IGLON5: variants seen among roughly 807,000 people sequenced by gnomAD.
IGLON5 encodes IgLON family member 5, also known as Ig-like domain-containing protein ENSP00000270642.
Under a neutral mutation model 38.2 loss-of-function variants are expected in IGLON5, and 16 were observed. The ratio of observed to expected loss-of-function variants is 0.42; its 90% CI spans 0.28 to 0.64. The LOEUF is 0.64. IGLON5 is among the 30% of genes least tolerant of loss of function. IGLON5 has a pLI of 0.23. For synonymous variants in IGLON5, 207 were observed against 216.4 expected, an observed-to-expected ratio of 0.96 and a Z score of 0.38; for missense variants, 366 against 483.4, an observed-to-expected ratio of 0.76 and a Z score of 2.28.
Position 51,325,537 on chromosome 19 carries a change from CCTAG to C in IGLON5, c.511+77_511+80del. On this transcript the variant is annotated intron_variant, in intron 4 of 7. Transcript: ENST00000270642. The surrounding 1 kb of genome is among the most constrained non-coding windows in gnomAD (Gnocchi z 5.5). ...TCTGGGCCCCTCCATTCCCCATATC[CCTAG>C]CTAGTTTCCCCAGCCCCCTTCTCCC... 6.9e-7 allele frequency: 1 copy of C among 1,459,556 alleles called. No individual in the cohort carries two copies. Among genetic ancestry groups the C allele is most frequent in the Admixed American group, 2.5e-5 (1 of 40,140 alleles). The allele number at this position is 1,459,556 out of a possible 1,614,324, so 90.4% of individuals were successfully genotyped here.
At chr19:51,314,672 A>T (rs1428151013) in intron 1 of IGLON5, among the ~76,000 whole-genome samples, 1 of 152,250 alleles carries the variant, frequency 6.6e-6, no homozygotes. Context: ...TGCCAGAAAG[A>T]CACCCCCACC....
rs1985157388 is a variant in IGLON5, at chr19:51,324,155, C to G, written c.391+261C>G. On this transcript the variant is annotated intron_variant, in intron 3 of 7. Transcript: ENST00000270642. The surrounding 1 kb of genome is among the most constrained non-coding windows in gnomAD (Gnocchi z 4.2). ...GGAAGACCACGTTCATTTGTTCAGCCCCATTCCTGGAGGGCCTACTCTGTG... is the reference window on the plus strand; with the variant it reads ...GGAAGACCACGTTCATTTGTTCAGCGCCATTCCTGGAGGGCCTACTCTGTG... 6.6e-6 allele frequency among the ~76,000 whole-genome samples: 1 copy of G among 152,082 alleles called. No homozygotes were observed. Among genetic ancestry groups the G allele is most frequent in the African/African-American group, 2.4e-5 (1 of 41,404 alleles).
chr19:51,322,520 C>T (rs916880594), intron 2 of IGLON5, among the ~76,000 whole-genome samples: 1 of 150,334 alleles, frequency 6.7e-6, no homozygotes, highest in Non-Finnish European at 1.5e-5. Flanking sequence ...GTTGCTGTTT[C>T]CCCAGGTCTC....
chr19:51,326,982 G>A (rs1487225069), intron 5 of IGLON5, 84 bp downstream of exon 5: 1 of 1,579,592 alleles, frequency 6.3e-7, no homozygotes, highest in Admixed American at 1.9e-5. Context: ...GAGGAAGCGG[G>A]GGCGAGACTT....
intron 1 of IGLON5, 44 bp downstream of exon 1, chr19:51,311,970 G>T: frequency 2.7e-6 from 3 of 1,112,072 alleles, no homozygotes; most frequent in Non-Finnish European, 3.5e-6. Context: ...GGACGCCAGG[G>T]TCTTGGGTGG....
Position 51,311,811 on chromosome 19 carries a change from C to T in IGLON5, c.-37C>T, listed in dbSNP as rs1984768897. 2 of 489,816 alleles carry T rather than the reference C, an allele frequency of 4.1e-6. No homozygotes were observed. Among genetic ancestry groups the T allele is most frequent in the Middle Eastern group, 1.3e-3 (2 of 1,552 alleles). The allele number at this position is 489,816 out of a possible 1,614,324, so 30.3% of individuals were successfully genotyped here. On this transcript the variant is annotated 5_prime_UTR_variant, in exon 1 of 8. Transcript: ENST00000270642. ...GGCCTCGCGCGCCCCGGACCGGCCC[C>T]CCCTTTCCCCTCCCCCTCCGCGCCG...
At position 51,325,422 on chromosome 19, in the gene IGLON5, C is replaced by T. The variant is rs757321095; in HGVS notation, c.468C>T (p.Ala156=). Residue 156 remains alanine, a synonymous_variant, in exon 4 of 8, where the codon GCC becomes GCT. Coordinates refer to ENST00000270642, the MANE Select transcript of IGLON5 (RefSeq NM_001101372.3). The surrounding 1 kb of genome is among the most constrained non-coding windows in gnomAD (Gnocchi z 5.5). ...EGGNVNLLCL[A]VGRPEPTVTW... is the part of the protein sequence containing the mutation. ...GCAATGTGAACCTGCTTTGCCTGGC[C>T]GTGGGGCGGCCAGAGCCCACGGTCA... 18 of 1,613,602 alleles carry T rather than the reference C, an allele frequency of 1.1e-5. No individual in the cohort carries two copies. The highest frequency in any genetic ancestry group is 7.7e-5 in the South Asian group (7 of 91,074).
rs1337436251 is a variant in IGLON5 at position 51,326,733 on chromosome 19, C to G, written c.512-31C>G. The G allele has an allele frequency of 2.6e-6, 4 of 1,518,902 alleles. No homozygotes were observed. The Admixed American group carries it at 8.5e-5, about 32-fold the overall frequency. The allele number at this position is 1,518,902 out of a possible 1,614,324, so 94.1% of individuals were successfully genotyped here. A position where few individuals can be genotyped will look rare whatever the true frequency, so the allele number is the denominator to read the frequency against. On this transcript the variant is annotated intron_variant, in intron 4 of 7. Transcript: ENST00000270642. ...TCCCGTGTTAAGTGTTTGTGTCCGGCCCCGCCCCCTCCTCCTCCTTCCCCC... is the reference window on the plus strand; with the variant it reads ...TCCCGTGTTAAGTGTTTGTGTCCGGGCCCGCCCCCTCCTCCTCCTTCCCCC...
intron 2 of IGLON5, 110 bp downstream of exon 2, chr19:51,322,252 C>A: frequency 2.3e-6 from 2 of 875,216 alleles, no homozygotes; most frequent in Admixed American, 1.9e-5. Context: ...GATGGGAAGA[C>A]TTGGGCTCCA....
At chr19:51,312,974 G>A (rs866019881) in intron 1 of IGLON5, among the ~76,000 whole-genome samples, 9 of 152,136 alleles carry the variant, frequency 5.9e-5, no homozygotes, top group African/African-American at 1.2e-4. Flanking sequence ...CAGACTTTCT[G>A]GAGGATTCCC....
chr19:51,326,672 G>A (rs1421714701), intron 4 of IGLON5, 92 bp from the exon 5 acceptor site: 4 of 458,172 alleles, frequency 8.7e-6, no homozygotes, highest in Admixed American at 1.2e-4. Context: ...TGCCGTGCCC[G>A]CCCCGCTGAT....
At chr19:51,323,970 A>T in intron 3 of IGLON5, 76 bp downstream of exon 3, 1 of 1,001,664 alleles carries the variant, frequency 1.0e-6, no homozygotes. Flanking sequence ...GACAGATACC[A>T]CGTGTTCCCC....
intron 1 of IGLON5, among the ~76,000 whole-genome samples, chr19:51,313,623 T>C (rs1163938217): frequency 2.8e-4 from 39 of 137,324 alleles, no homozygotes; most frequent in African/African-American, 1.0e-3. Context: ...CTTTCCTTCT[T>C]TCTCTTTTTC....
chr19:51,322,188 G>C, intron 2 of IGLON5, 46 bp downstream of exon 2: 3 of 1,468,296 alleles, frequency 2.0e-6, no homozygotes, highest in South Asian at 1.1e-5. Context: ...GGAGCCATGC[G>C]GTCCTGCCCC....
chr19:51,323,514 C>T (rs1298825976), intron 2 of IGLON5, 148 bp from the exon 3 acceptor site: 1 of 654,904 alleles, frequency 1.5e-6, no homozygotes, highest in African/African-American at 1.8e-5. Context: ...TTACCCCCAG[C>T]TGTATGGTGG....
intron 1 of IGLON5, among the ~76,000 whole-genome samples, chr19:51,321,035 A>ATG (rs1344685406): frequency 6.6e-6 from 1 of 151,952 alleles, no homozygotes; most frequent in Non-Finnish European, 1.5e-5. Context: ...GTGTGTGTGT[A>ATG]TGTGTGTATA....
chr19:51,327,825 C>T lies in IGLON5; in HGVS notation c.861C>T (p.Gly287=). The T allele has an allele frequency of 3.9e-6, 6 of 1,548,860 alleles. No homozygotes were observed. The highest frequency in any genetic ancestry group is 5.2e-6 in the Non-Finnish European group (6 of 1,147,182). Residue 287 remains glycine, a synonymous_variant, in exon 7 of 8, where the codon GGC becomes GGT. Transcript: ENST00000270642. The surrounding 1 kb of genome is among the most constrained non-coding windows in gnomAD (Gnocchi z 7.1). ...CCAACGTGAGCGCCCGGCATTACGG[C>T]AACTATACGTGTCGCGCCGCCAACC... ...LFANVSARHY[G]NYTCRAANRL...
At chr19:51,322,916 GCCCCCTC>G (rs1985109291) in intron 2 of IGLON5, among the ~76,000 whole-genome samples, 1 of 133,806 alleles carries the variant, frequency 7.5e-6, no homozygotes, top group African/African-American at 2.9e-5. Context: ...CTGGGTCTCT[GCCCCCTC>G]TGCCTCTGGG....
At chr19:51,318,960 C>T (rs1233711553) in intron 1 of IGLON5, among the ~76,000 whole-genome samples, 2 of 152,150 alleles carry the variant, frequency 1.3e-5, no homozygotes, top group East Asian at 1.9e-4. Context: ...TTGCCCCTTA[C>T]GGGGCATCTG....
Sources: allele counts gnomAD v4.1 joint callset (sites outside exome capture counted in the v4.1 genomes callset), GRCh38; gene constraint gnomAD v4.1.1; non-coding constraint Gnocchi (gnomAD v3.1); transcripts MANE v1.5; gene names NCBI Gene and HGNC (gene_info 2026-07-23, HGNC 2026-07-21).